PLA2G4A: variants seen among roughly 807,000 people sequenced by gnomAD.
PLA2G4A encodes phospholipase A2 group IVA, also known as cytosolic phospholipase A2.
Under a neutral mutation model 81.9 loss-of-function variants are expected in PLA2G4A, and 40 were observed. The observed-to-expected ratio is 0.49, with a 90% CI of 0.38 to 0.64. The LOEUF (loss-of-function observed/expected upper bound fraction) is 0.64, where lower values mean the gene tolerates loss of function less well. Ranked by LOEUF, PLA2G4A falls within the 30% of genes least tolerant of loss-of-function variation. PLA2G4A has a pLI of 0.00. For missense variants in PLA2G4A, 715 were observed against 905.1 expected (o/e 0.79, Z 2.69); for synonymous variants, 302 against 296.9 (o/e 1.02, Z -0.18).
chr1:186,934,944 G>A (rs566603086), intron 8 of PLA2G4A, among the ~76,000 whole-genome samples: 57 of 151,848 alleles, frequency 3.8e-4, no homozygotes, highest in South Asian at 1.5e-3. Context: ...TATGTCCTCC[G>A]TAGGTAATTC....
intron 3 of PLA2G4A, among the ~76,000 whole-genome samples, chr1:186,872,938 A>T (rs1653334860): frequency 6.6e-6 from 1 of 152,064 alleles, no homozygotes; most frequent in African/African-American, 2.4e-5. Context: ...TTGCTGTGGC[A>T]GAAAGGACAG....
intron 8 of PLA2G4A, among the ~76,000 whole-genome samples, chr1:186,937,247 C>T (rs903178610): frequency 1.8e-4 from 16 of 90,410 alleles, no homozygotes; most frequent in South Asian, 3.7e-4. Flanking sequence ...CTTCATGAGA[C>T]GGGAAAAGAG....
chr1:186,988,322 T>C, intron 17 of PLA2G4A, 55 bp from the exon 18 acceptor site: 2 of 1,359,106 alleles, frequency 1.5e-6, no homozygotes, highest in Non-Finnish European at 2.1e-6. Flanking sequence ...TAATAAAAAA[T>C]ATATAAATGA....
intron 8 of PLA2G4A, among the ~76,000 whole-genome samples, chr1:186,934,227 C>T (rs1320565444): frequency 6.6e-6 from 1 of 151,716 alleles, no homozygotes; most frequent in Non-Finnish European, 1.5e-5. Flanking sequence ...TCCTGTTGTC[C>T]ATCACTGACA....
chr1:186,957,464 T>C (rs923734218), intron 14 of PLA2G4A, among the ~76,000 whole-genome samples: 4 of 152,238 alleles, frequency 2.6e-5, no homozygotes, highest in African/African-American at 9.6e-5. Flanking sequence ...AGTGGAAATG[T>C]AGCTTCTGTC....
chr1:186,846,821 G>A (rs1043865609), intron 1 of PLA2G4A, among the ~76,000 whole-genome samples: 1 of 151,394 alleles, frequency 6.6e-6, no homozygotes, highest in African/African-American at 2.4e-5. Flanking sequence ...TTCCTTCATT[G>A]ATATTTTAAC....
At chr1:186,838,185 C>G (rs1651857870) in intron 1 of PLA2G4A, among the ~76,000 whole-genome samples, 1 of 152,080 alleles carries the variant, frequency 6.6e-6, no homozygotes, top group Non-Finnish European at 1.5e-5. Flanking sequence ...AGAATATGGA[C>G]TTAAATTAAA....
At chr1:186,868,258 A>G (rs945646988) in intron 2 of PLA2G4A, among the ~76,000 whole-genome samples, 2 of 151,566 alleles carry the variant, frequency 1.3e-5, no homozygotes, top group African/African-American at 4.8e-5. Flanking sequence ...TTGTATTTTT[A>G]GTAGAGATGG....
At chr1:186,964,418 A>G (rs958721067) in intron 14 of PLA2G4A, among the ~76,000 whole-genome samples, 2 of 152,106 alleles carry the variant, frequency 1.3e-5, no homozygotes, top group African/African-American at 4.8e-5. Context: ...ACCCCTTGCC[A>G]TCTCATCTGT....
chr1:186,942,847 CATT>C (rs1206720985), intron 10 of PLA2G4A, among the ~76,000 whole-genome samples: 3 of 152,128 alleles, frequency 2.0e-5, no homozygotes, highest in Non-Finnish European at 4.4e-5. Flanking sequence ...AGTGGTGCAT[CATT>C]AACCTTCATT....
At chr1:186,860,782 A>C (rs1652769406) in intron 2 of PLA2G4A, among the ~76,000 whole-genome samples, 1 of 152,166 alleles carries the variant, frequency 6.6e-6, no homozygotes, top group Non-Finnish European at 1.5e-5. Flanking sequence ...TCTTTACCAC[A>C]CAACATAGAT....
At chr1:186,901,848 G>T (rs565110626) in intron 5 of PLA2G4A, among the ~76,000 whole-genome samples, 24 of 152,230 alleles carry the variant, frequency 1.6e-4, no homozygotes, top group African/African-American at 4.6e-4. Context: ...GTGTGGGTTT[G>T]GGGGGTGGAC....
chr1:186,972,921 C>T (rs1255926841), intron 15 of PLA2G4A, among the ~76,000 whole-genome samples: 5 of 152,114 alleles, frequency 3.3e-5, no homozygotes, highest in Admixed American at 1.3e-4. Context: ...TTTGTTGAAA[C>T]GAGGGCATGA....
At position 186,977,574 on chromosome 1, in the gene PLA2G4A, C is replaced by G; in HGVS notation, c.1765-19C>G. 4 of 1,574,536 alleles carry G rather than the reference C, an allele frequency of 2.5e-6. No homozygotes were observed. In the Middle Eastern group the frequency reaches 5.0e-4, roughly 197 times the overall value. ...GAAAACTGAAAATTTCCAAATTCATCTTTCCATCTTTCCCATAGGAACTTC... is the reference window on the plus strand; with the variant it reads ...GAAAACTGAAAATTTCCAAATTCATGTTTCCATCTTTCCCATAGGAACTTC... On this transcript the variant is annotated intron_variant, in intron 15 of 17. Coordinates refer to ENST00000367466, the MANE Select transcript of PLA2G4A (RefSeq NM_024420.3).
At chr1:186,972,674 G>C (rs1176631689) in intron 15 of PLA2G4A, among the ~76,000 whole-genome samples, 1 of 152,042 alleles carries the variant, frequency 6.6e-6, no homozygotes, top group Non-Finnish European at 1.5e-5. Flanking sequence ...CAAGAAGCCA[G>C]AACAACGGGT....
At chr1:186,831,162 T>C (rs1350924129) in intron 1 of PLA2G4A, among the ~76,000 whole-genome samples, 1 of 152,080 alleles carries the variant, frequency 6.6e-6, no homozygotes, top group Non-Finnish European at 1.5e-5. Context: ...CACACAAATT[T>C]AAAAACACCT....
chr1:186,939,360 A>C (rs1238437670), intron 9 of PLA2G4A, 130 bp downstream of exon 9: 2 of 473,956 alleles, frequency 4.2e-6, no homozygotes, highest in Non-Finnish European at 3.6e-6. Context: ...TTGTCCAACT[A>C]TGCGTACTGA....
At chr1:186,848,536 T>C (rs1025344680) in intron 1 of PLA2G4A, among the ~76,000 whole-genome samples, 6 of 152,176 alleles carry the variant, frequency 3.9e-5, no homozygotes, top group African/African-American at 1.2e-4. Context: ...CTTTTCCTTT[T>C]TCTTTTCTTC....
chr1:186,954,656 T>C (rs928227498), intron 13 of PLA2G4A, among the ~76,000 whole-genome samples: 1 of 47,466 alleles, frequency 2.1e-5, no homozygotes, highest in South Asian at 1.1e-3. Flanking sequence ...TGAAGCTGAC[T>C]ATAGAATCTC....
Sources: gnomAD v4.1 joint callset for allele counts (sites outside exome capture counted in the v4.1 genomes callset) on GRCh38, gnomAD v4.1.1 for gene constraint, MANE v1.5 for transcripts, NCBI Gene and HGNC (gene_info 2026-07-23, HGNC 2026-07-21) for gene names.